DAB1: variants seen among roughly 807,000 people sequenced by gnomAD.
DAB1 encodes DAB adaptor protein 1, also known as disabled homolog 1.
DAB1 carries 15 observed loss-of-function variants against 64.6 expected under a neutral mutation model. The ratio of observed to expected loss-of-function variants is 0.23; its 90% CI spans 0.16 to 0.36. The LOEUF (loss-of-function observed/expected upper bound fraction) is 0.36. DAB1 is among the 10% of genes least tolerant of loss of function. DAB1 has a pLI of 1.00. For missense variants in DAB1, 596 were observed against 706.7 expected (o/e 0.84, Z 1.78); for synonymous variants, 235 against 251.9 (o/e 0.93, Z 0.64).
intron 5 of DAB1, among the ~76,000 whole-genome samples, chr1:58,091,731 C>T (rs1650668922): frequency 1.3e-5 from 2 of 152,132 alleles, no homozygotes; most frequent in African/African-American, 4.8e-5. Context: ...CTTATTCACA[C>T]CATTCTGCTA....
intron 4 of DAB1, among the ~76,000 whole-genome samples, chr1:58,237,158 G>T (rs1256358304): frequency 1.3e-5 from 2 of 152,200 alleles, no homozygotes; most frequent in Non-Finnish European, 2.9e-5. Flanking sequence ...AACAGGCACA[G>T]AAGGAGGGAA....
chr1:57,033,581 T>G (rs751458421), intron 9 of DAB1: 3 of 1,610,856 alleles, frequency 1.9e-6, no homozygotes, highest in Non-Finnish European at 2.5e-6. Context: ...ATTCTGAAAG[T>G]GGAAGGGATG....
chr1:58,126,976 T>G (rs1254241023), intron 5 of DAB1, among the ~76,000 whole-genome samples: 1 of 149,374 alleles, frequency 6.7e-6, no homozygotes, highest in Admixed American at 6.6e-5. Context: ...ATATACCCAG[T>G]AATGGGATGG....
intron 5 of DAB1, among the ~76,000 whole-genome samples, chr1:58,075,636 T>C (rs1347252095): frequency 6.6e-6 from 1 of 152,196 alleles, no homozygotes; most frequent in African/African-American, 2.4e-5. Context: ...TCCTGATTGA[T>C]TCAAAAGGAT....
intron 6 of DAB1, among the ~76,000 whole-genome samples, chr1:57,733,027 C>T (rs1037710415): frequency 6.6e-6 from 1 of 152,180 alleles, no homozygotes; most frequent in African/African-American, 2.4e-5. Context: ...TAGGTGCCTA[C>T]TCTTTCCAAC....
At chr1:57,045,018 CAGA>C (rs1648284777) in intron 9 of DAB1, among the ~76,000 whole-genome samples, 1 of 152,152 alleles carries the variant, frequency 6.6e-6, no homozygotes, top group Non-Finnish European at 1.5e-5. Context: ...AACCAAGGCA[CAGA>C]AGGTTTAATT....
intron 5 of DAB1, among the ~76,000 whole-genome samples, chr1:58,049,744 G>A (rs1360004702): frequency 2.6e-5 from 4 of 152,094 alleles, no homozygotes; most frequent in Non-Finnish European, 4.4e-5. Flanking sequence ...TTGCAGGATA[G>A]TTTTAGTATT....
chr1:58,300,606 AAGAAAGAGAG>A (rs1302683371), intron 4 of DAB1, among the ~76,000 whole-genome samples: 31 of 37,980 alleles, frequency 8.2e-4, no homozygotes, highest in East Asian at 2.1e-3. Flanking sequence ...GAAAGAAAGA[AAGAAAGAGAG>A]AGAGAGAGAG....
intron 1 of DAB1, among the ~76,000 whole-genome samples, chr1:57,839,192 A>G (rs965987028): frequency 6.6e-6 from 1 of 152,190 alleles, no homozygotes; most frequent in Non-Finnish European, 1.5e-5. Flanking sequence ...TAGAAAATGA[A>G]TCGGTTAAAA....
intron 6 of DAB1, among the ~76,000 whole-genome samples, chr1:57,752,922 A>G (rs1289577151): frequency 6.6e-6 from 1 of 152,196 alleles, no homozygotes; most frequent in Admixed American, 6.5e-5. Flanking sequence ...AATTTAAAAA[A>G]CTAAGAGCCA....
At chr1:57,649,777 G>A (rs1558575364) in intron 6 of DAB1, 1 of 152,104 alleles carries the variant, frequency 6.6e-6, no homozygotes, top group Non-Finnish European at 1.5e-5. Flanking sequence ...CCATACACCA[G>A]GCACTGGGAA....
intron 4 of DAB1, among the ~76,000 whole-genome samples, chr1:58,200,903 T>C (rs1421717122): frequency 2.0e-5 from 3 of 152,224 alleles, no homozygotes; most frequent in Non-Finnish European, 2.9e-5. Context: ...ACAGAGGCTG[T>C]AATTTAGAAT....
chr1:57,071,437 A>G, intron 6 of DAB1, 85 bp downstream of exon 6: 1 of 1,460,508 alleles, frequency 6.8e-7, no homozygotes, highest in South Asian at 1.3e-5. Flanking sequence ...ACTTGGCAGC[A>G]GGAAGAGAAG....
intron 7 of DAB1, among the ~76,000 whole-genome samples, chr1:57,644,789 T>C (rs549044759): frequency 1.3e-5 from 2 of 152,296 alleles, no homozygotes; most frequent in African/African-American, 4.8e-5. Flanking sequence ...CATCTGATGC[T>C]AGAGCTTGAA....
intron 5 of DAB1, among the ~76,000 whole-genome samples, chr1:58,115,023 A>T (rs1474684456): frequency 2.6e-5 from 4 of 151,338 alleles, no homozygotes; most frequent in Non-Finnish European, 5.9e-5. Context: ...TGCACAGCAA[A>T]AGAAACTACC....
chr1:57,678,398 C>T (rs1433781906), intron 6 of DAB1, among the ~76,000 whole-genome samples: 5 of 152,310 alleles, frequency 3.3e-5, no homozygotes, highest in African/African-American at 1.2e-4. Flanking sequence ...TCTTAATAAG[C>T]TCCCATCATC....
At chr1:57,958,816 T>C (rs1035172133) in intron 5 of DAB1, among the ~76,000 whole-genome samples, 7 of 152,220 alleles carry the variant, frequency 4.6e-5, no homozygotes, top group African/African-American at 1.7e-4. Context: ...CTTCCTTCTA[T>C]GCTTTTCTCT....
At chr1:57,819,719 C>A (rs1652028406) in intron 6 of DAB1, among the ~76,000 whole-genome samples, 1 of 152,094 alleles carries the variant, frequency 6.6e-6, no homozygotes, top group African/African-American at 2.4e-5. Flanking sequence ...TGTGCTCCCA[C>A]AGCAAAATAT....
chr1:57,314,753 GA>G (rs558539955), intron 1 of DAB1, among the ~76,000 whole-genome samples: 84 of 139,648 alleles, frequency 6.0e-4, no homozygotes, highest in African/African-American at 2.0e-3. Context: ...CATTGTCTCA[GA>G]AAAAAAAAAC....
Sources: gnomAD v4.1 joint callset for allele counts (sites outside exome capture counted in the v4.1 genomes callset) on GRCh38, gnomAD v4.1.1 for gene constraint, MANE v1.5 for transcripts, NCBI Gene and HGNC (gene_info 2026-07-23, HGNC 2026-07-21) for gene names.